The following PCDHGA4 variants were observed in gnomAD, a reference collection of about 807,000 sequenced individuals.
PCDHGA4 encodes the protein protocadherin gamma-A4.
A neutral mutation model predicts 54.6 loss-of-function variants in PCDHGA4; 38 were observed. The ratio of observed to expected loss-of-function variants is 0.70; its 90% CI spans 0.54 to 0.91. PCDHGA4 has a LOEUF of 0.91. Ranked by LOEUF, PCDHGA4 falls within the 40% of genes least tolerant of loss-of-function variation. The probability of loss-of-function intolerance (pLI) is 0.00; values close to 1 mark genes in which losing one functional copy is unlikely to be tolerated. For missense variants in PCDHGA4, 1,298 were observed against 1,220.9 expected, an observed-to-expected ratio of 1.06 and a Z score of -0.94; for synonymous variants, 511 against 512.9, an observed-to-expected ratio of 1.00 and a Z score of 0.05.
chr5:141,388,558 C>T (rs928285766), intron 1 of PCDHGA4: 21 of 1,613,792 alleles, frequency 1.3e-5, no homozygotes, highest in African/African-American at 2.7e-5. Flanking sequence ...CTAAGCAGCA[C>T]TGCACAGATA....
chr5:141,477,819 T>C lies in PCDHGA4; in HGVS notation c.2515-16988T>C. 1.9e-6 allele frequency: 3 copies of C among 1,614,138 alleles called. No individual in the cohort carries two copies. The highest frequency in any genetic ancestry group is 2.5e-6 in the Non-Finnish European group (3 of 1,180,030). On this transcript the variant is annotated intron_variant, in intron 1 of 3. Transcript: ENST00000571252. The surrounding 1 kb of genome is among the most constrained non-coding windows in gnomAD (Gnocchi z 4.9). ...CGCAATGACAATGCCCCCCAGGTCC[T>C]ATATCCTCGGCCAGGTGGGAGCTCG...
intron 1 of PCDHGA4, chr5:141,409,276 G>T: frequency 6.2e-7 from 1 of 1,614,000 alleles, no homozygotes; most frequent in Non-Finnish European, 8.5e-7. Flanking sequence ...AGATTTTGGA[G>T]AATTCACCTC....
chr5:141,408,506 T>C, intron 1 of PCDHGA4: 2 of 1,614,010 alleles, frequency 1.2e-6, no homozygotes, highest in Non-Finnish European at 1.7e-6. Flanking sequence ...GAGAAGAAGA[T>C]GTGAGTTGCA....
chr5:141,453,465 A>G (rs1167340749), intron 1 of PCDHGA4, among the ~76,000 whole-genome samples: 2 of 152,098 alleles, frequency 1.3e-5, no homozygotes, highest in African/African-American at 4.8e-5. Flanking sequence ...AAACATTAAC[A>G]TAAAGTCAAA....
At chr5:141,497,013 A>G (rs2099773320) in intron 2 of PCDHGA4, among the ~76,000 whole-genome samples, 1 of 151,990 alleles carries the variant, frequency 6.6e-6, no homozygotes, top group Admixed American at 6.6e-5. Context: ...ACATGGTGAA[A>G]CCCCATCTCG....
At position 141,355,664 on chromosome 5, in the gene PCDHGA4, C is replaced by T. The variant is rs1282736440; in HGVS notation, c.557C>T (p.Pro186Leu). The change falls in exon 1 of 4, where the codon CCT becomes CTT. Residue 186 changes from proline to leucine, a missense_variant. Transcript: ENST00000571252. ...NENPGARFPLPEAFDPDVGVN... is the reference protein window; with the variant it reads ...NENPGARFPLLEAFDPDVGVN... ...AATCCTGGGGCAAGATTTCCTCTTC[C>T]TGAAGCTTTTGATCCGGATGTAGGT... 2 of 1,613,972 alleles carry T rather than the reference C, an allele frequency of 1.2e-6. No homozygotes were observed. The highest frequency in any genetic ancestry group is 3.3e-5 in the Admixed American group (2 of 60,030).
chr5:141,481,897 G>A (rs916673176), intron 1 of PCDHGA4, among the ~76,000 whole-genome samples: 3 of 128,712 alleles, frequency 2.3e-5, no homozygotes, highest in South Asian at 5.0e-4. Context: ...CTGGGTGAAA[G>A]AGCGAAACTC....
intron 1 of PCDHGA4, chr5:141,427,003 T>C: frequency 2.2e-6 from 1 of 456,764 alleles, no homozygotes; most frequent in South Asian, 1.5e-5. Flanking sequence ...GCCCCAGTTT[T>C]TAGCCAGGAT....
At chr5:141,438,621 T>C (rs1164140266) in intron 1 of PCDHGA4, among the ~76,000 whole-genome samples, 4 of 41,368 alleles carry the variant, frequency 9.7e-5, no homozygotes, top group Admixed American at 3.5e-4. Flanking sequence ...TATATATATA[T>C]ATATATATAT....
intron 1 of PCDHGA4, among the ~76,000 whole-genome samples, chr5:141,381,404 T>A (rs78789599): frequency 5.8e-4 from 89 of 152,360 alleles, no homozygotes; most frequent in African/African-American, 2.0e-3. Context: ...TCTATCAACA[T>A]CAGTGGAGAG....
intron 1 of PCDHGA4, chr5:141,409,879 A>G (rs1175297210): frequency 1.9e-6 from 3 of 1,612,734 alleles, no homozygotes; most frequent in African/African-American, 2.7e-5. Flanking sequence ...ATGACAACGC[A>G]CCGCGGGTGC....
intron 1 of PCDHGA4, chr5:141,394,247 C>A (rs1414649061): frequency 1.2e-6 from 2 of 1,613,854 alleles, no homozygotes; most frequent in African/African-American, 1.3e-5. Flanking sequence ...CTGCACACGA[C>A]CCCGACAGCC....
At chr5:141,394,019 T>C in intron 1 of PCDHGA4, 1 of 1,613,522 alleles carries the variant, frequency 6.2e-7, no homozygotes, top group Non-Finnish European at 8.5e-7. Flanking sequence ...GTAATTATTA[T>C]AGATTAGTGA....
At chr5:141,398,450 C>T in intron 1 of PCDHGA4, 1 of 1,574,388 alleles carries the variant, frequency 6.4e-7, no homozygotes, top group East Asian at 2.2e-5. Flanking sequence ...GAATTTGAGG[C>T]TGTTGCTGAA....
rs548905369 is a variant in PCDHGA4, at chr5:141,355,284, C to A, written c.177C>A (p.Ala59=). 4 of 1,613,732 alleles carry A rather than the reference C, an allele frequency of 2.5e-6. No individual in the cohort carries two copies. The highest frequency in any genetic ancestry group is 1.7e-6 in the Non-Finnish European group (2 of 1,179,878). ...TGGGGGTTCTGGTGGAAATCAGGGC[C>A]GAACAGATTCTCTACTCGGTGTTTG... ...LLLGVLVEIR[A]EQILYSVFEE... The change falls in exon 1 of 4, where the codon GCC becomes GCA. Residue 59 remains alanine, a synonymous_variant. Transcript: ENST00000571252.
chr5:141,507,478 C>T (rs933478897), intron 3 of PCDHGA4, among the ~76,000 whole-genome samples: 5 of 152,158 alleles, frequency 3.3e-5, no homozygotes, highest in African/African-American at 1.2e-4. Flanking sequence ...GGACTGCTGG[C>T]CTCCTGAGGC....
At chr5:141,418,692 C>T in intron 1 of PCDHGA4, 5 of 1,614,032 alleles carry the variant, frequency 3.1e-6, no homozygotes, top group Non-Finnish European at 4.2e-6. Flanking sequence ...TCAGAGATCA[C>T]TTATTCCTTC....
chr5:141,484,715 G>A (rs576646182), intron 1 of PCDHGA4, among the ~76,000 whole-genome samples: 1 of 152,130 alleles, frequency 6.6e-6, no homozygotes, highest in African/African-American at 2.4e-5. Context: ...CCGCCGAAAA[G>A]GGGCGGGGTC....
chr5:141,468,433 A>G (rs2099167290), intron 1 of PCDHGA4: 1 of 152,202 alleles, frequency 6.6e-6, no homozygotes, highest in Non-Finnish European at 1.5e-5. Context: ...GGTAATAGCA[A>G]AATGTGGGTG....
Sources: allele counts gnomAD v4.1 joint callset (sites outside exome capture counted in the v4.1 genomes callset), GRCh38; gene constraint gnomAD v4.1.1; non-coding constraint Gnocchi (gnomAD v3.1); transcripts MANE v1.5; gene names NCBI Gene and HGNC (gene_info 2026-07-23, HGNC 2026-07-21).